The following UBE2E2 variants were observed in gnomAD, a reference collection of about 807,000 sequenced individuals.
The protein encoded by UBE2E2 is ubiquitin-conjugating enzyme E2 E2.
UBE2E2 carries 6 observed loss-of-function variants against 24.7 expected under a neutral mutation model. The observed-to-expected ratio is 0.24, with a 90% CI of 0.13 to 0.48. The LOEUF (loss-of-function observed/expected upper bound fraction) is 0.48, where lower values mean the gene tolerates loss of function less well. Ranked by LOEUF, UBE2E2 falls within the 20% of genes least tolerant of loss-of-function variation. The pLI, the probability that UBE2E2 is intolerant of heterozygous loss-of-function variation, is 0.99. For missense variants in UBE2E2, 169 were observed against 245.0 expected (o/e 0.69, Z 2.07); for synonymous variants, 104 against 83.6 (o/e 1.24, Z -1.33).
intron 4 of UBE2E2, among the ~76,000 whole-genome samples, chr3:23,515,125 GTGT>G (rs1413016597): frequency 1.8e-4 from 7 of 38,960 alleles, no homozygotes; most frequent in Admixed American, 1.1e-3. Context: ...CTTGGGGTGT[GTGT>G]GTGTGTGTGT....
chr3:23,313,782 C>T (rs1490143129), intron 3 of UBE2E2, among the ~76,000 whole-genome samples: 1 of 152,018 alleles, frequency 6.6e-6, no homozygotes, highest in East Asian at 1.9e-4. Context: ...AGGATTTGCT[C>T]CTGCCGTTTT....
At chr3:23,504,242 T>A (rs537375470) in intron 4 of UBE2E2, among the ~76,000 whole-genome samples, 1 of 152,316 alleles carries the variant, frequency 6.6e-6, no homozygotes, top group African/African-American at 2.4e-5. Flanking sequence ...CCGTGCCATA[T>A]ATTATATATT....
rs1251224471 is a variant in UBE2E2 at position 23,266,476 on chromosome 3, C to G, written c.227+49164C>G. The stretch of plus-strand genomic sequence containing the variant: ...AGAATGTTGAATATTGGCCCCCCCT[C>G]TCTTCTGGCTTGTAGAGTTTCTGCC... On this transcript the variant is annotated intron_variant, in intron 3 of 5. Transcript: ENST00000396703. Among the ~76,000 whole-genome samples, 10 of 152,250 alleles carry G rather than the reference C, an allele frequency of 6.6e-5. No homozygotes were observed. In the East Asian group the frequency reaches 7.7e-4, roughly 12 times the overall value.
At chr3:23,461,809 C>A (rs1191743336) in intron 3 of UBE2E2, among the ~76,000 whole-genome samples, 1 of 152,148 alleles carries the variant, frequency 6.6e-6, no homozygotes, top group African/African-American at 2.4e-5. Flanking sequence ...TTAACATATT[C>A]TGCTTGAAAT....
chr3:23,321,600 C>T (rs981567451), intron 3 of UBE2E2, among the ~76,000 whole-genome samples: 1 of 149,822 alleles, frequency 6.7e-6, no homozygotes, highest in Non-Finnish European at 1.5e-5. Flanking sequence ...TCAACTGACC[C>T]CACTAGAATA....
chr3:23,528,740 T>C (rs1271552519), intron 4 of UBE2E2, among the ~76,000 whole-genome samples: 1 of 152,192 alleles, frequency 6.6e-6, no homozygotes, highest in Non-Finnish European at 1.5e-5. Context: ...AGCTACATTC[T>C]GGCAGGTTAA....
intron 2 of UBE2E2, 32 bp downstream of exon 2, chr3:23,208,907 G>C: frequency 1.9e-6 from 3 of 1,545,284 alleles, no homozygotes; most frequent in Non-Finnish European, 2.6e-6. Context: ...TTTTATTGTT[G>C]GTATCAATTT....
chr3:23,287,191 G>A (rs894402964), intron 3 of UBE2E2, among the ~76,000 whole-genome samples: 2 of 152,088 alleles, frequency 1.3e-5, no homozygotes, highest in African/African-American at 4.8e-5. Context: ...TATGGTTTTT[G>A]TCCTTCAATC....
chr3:23,405,534 C>T (rs1697335379), intron 3 of UBE2E2, among the ~76,000 whole-genome samples: 3 of 151,976 alleles, frequency 2.0e-5, no homozygotes, highest in Admixed American at 6.6e-5. Flanking sequence ...GTAATTTTTC[C>T]CCATAAAATT....
chr3:23,330,413 C>T (rs560276367), intron 3 of UBE2E2, among the ~76,000 whole-genome samples: 5 of 152,310 alleles, frequency 3.3e-5, no homozygotes, highest in Admixed American at 1.3e-4. Flanking sequence ...ACTTAGTCTA[C>T]GTTGCTGGCA....
At chr3:23,345,047 C>G (rs140540260) in intron 3 of UBE2E2, among the ~76,000 whole-genome samples, 4 of 152,176 alleles carry the variant, frequency 2.6e-5, no homozygotes, top group East Asian at 1.9e-4. Context: ...GAGGAGGAAA[C>G]GAATTTTGCC....
chr3:23,276,413 T>A (rs1019491280), intron 3 of UBE2E2, among the ~76,000 whole-genome samples: 7 of 152,140 alleles, frequency 4.6e-5, no homozygotes, highest in Non-Finnish European at 1.0e-4. Flanking sequence ...ATATATAAAC[T>A]AAGGAGGGGT....
chr3:23,363,845 C>T (rs1696190514), intron 3 of UBE2E2, among the ~76,000 whole-genome samples: 2 of 151,850 alleles, frequency 1.3e-5, no homozygotes, highest in South Asian at 4.2e-4. Context: ...GATATACATT[C>T]TTCTCATCTG....
At chr3:23,256,152 A>G (rs1336345963) in intron 3 of UBE2E2, among the ~76,000 whole-genome samples, 1 of 152,046 alleles carries the variant, frequency 6.6e-6, no homozygotes, top group Non-Finnish European at 1.5e-5. Context: ...GCAACCACCT[A>G]ATTTTTCTTT....
At chr3:23,528,540 T>A (rs1004525136) in intron 4 of UBE2E2, among the ~76,000 whole-genome samples, 1 of 152,136 alleles carries the variant, frequency 6.6e-6, no homozygotes, top group Non-Finnish European at 1.5e-5. Context: ...AGTCTCCGCC[T>A]TTTTACTTTG....
intron 3 of UBE2E2, among the ~76,000 whole-genome samples, chr3:23,464,673 T>A (rs1698884833): frequency 1.3e-5 from 2 of 152,168 alleles, no homozygotes; most frequent in Non-Finnish European, 1.5e-5. Context: ...AAGCAAATAG[T>A]TATGAGGGCA....
At chr3:23,505,079 TTTTTTTTTTTG>T (rs1694408839) in intron 4 of UBE2E2, among the ~76,000 whole-genome samples, 3 of 31,950 alleles carry the variant, frequency 9.4e-5, no homozygotes. Flanking sequence ...CTAATTTTTG[TTTTTTTTTTTG>T]TTTTTTTTTT....
At chr3:23,281,081 G>C (rs991368365) in intron 3 of UBE2E2, among the ~76,000 whole-genome samples, 1 of 152,120 alleles carries the variant, frequency 6.6e-6, no homozygotes, top group African/African-American at 2.4e-5. Context: ...CCACCCTCAT[G>C]ACCTAATATA....
intron 5 of UBE2E2, among the ~76,000 whole-genome samples, chr3:23,570,371 A>G (rs1409113238): frequency 6.6e-6 from 1 of 152,134 alleles, no homozygotes; most frequent in Non-Finnish European, 1.5e-5. Context: ...TTGAAGACCT[A>G]GCCTAGACTC....
Sources: allele counts gnomAD v4.1 joint callset (sites outside exome capture counted in the v4.1 genomes callset), GRCh38; gene constraint gnomAD v4.1.1; transcripts MANE v1.5; gene names NCBI Gene and HGNC (gene_info 2026-07-23, HGNC 2026-07-21).